ZNF318: variants seen among roughly 807,000 people sequenced by gnomAD.
ZNF318 encodes the protein endocrine regulator.
In ZNF318, 51 loss-of-function variants were observed where a neutral mutation model predicts 124.2. The ratio of observed to expected loss-of-function variants is 0.41; its 90% CI spans 0.33 to 0.52. The LOEUF is 0.52. Among genes scored for constraint, ZNF318 ranks in the 20% least tolerant of loss-of-function variants. ZNF318 has a pLI of 0.23. For synonymous variants in ZNF318, 1,090 were observed against 1,040.7 expected (o/e 1.05, Z -0.91); for missense variants, 2,815 against 2,811.2 (o/e 1.00, Z -0.03).
At chr6:43,363,710 G>C (rs544547923) in intron 2 of ZNF318, 146 of 552,196 alleles carry the variant, frequency 2.6e-4, no homozygotes, top group Non-Finnish European at 2.5e-5. Context: ...TTTTTCCTGG[G>C]GGCCTCTCTC....
intron 2 of ZNF318, chr6:43,363,526 G>T: frequency 4.4e-6 from 1 of 226,314 alleles, no homozygotes; most frequent in Non-Finnish European, 8.6e-6. Context: ...TCCATGGAGG[G>T]GCTGGGGTTG....
intron 2 of ZNF318, among the ~76,000 whole-genome samples, chr6:43,360,508 C>T (rs1344629896): frequency 6.6e-6 from 1 of 152,138 alleles, no homozygotes; most frequent in Non-Finnish European, 1.5e-5. Flanking sequence ...TTTAAAAAAA[C>T]TGATTGTTGG....
rs770604029 is a variant in ZNF318, at chr6:43,357,169, A to C, written c.1145T>G (p.Leu382Trp). The C allele has an allele frequency of 8.1e-6, 13 of 1,614,006 alleles. No homozygotes were observed. Among genetic ancestry groups the C allele is most frequent in the Non-Finnish European group, 1.1e-5 (13 of 1,179,992 alleles). The change falls in exon 3 of 10, where the codon TTG (leucine) becomes TGG (tryptophan). Residue 382 changes from leucine to tryptophan, a missense_variant. By Grantham distance (61) the Leu-to-Trp change is moderately conservative. Coordinates refer to ENST00000361428, the MANE Select transcript of ZNF318 (RefSeq NM_014345.3). ...TATGTCCACCTCAATCCGCTTCTTC[A>C]AAATGGATTTCTTGGGCATCACAGA... ...EVSVMPKKSI[L>W]KKRIEVDIME... is the part of the protein sequence containing the mutation.
In ZNF318 at chr6:43,355,927, T is replaced by C; in HGVS notation, c.1407A>G (p.Lys469=). The C allele has an allele frequency of 5.0e-6, 8 of 1,614,174 alleles. No individual in the cohort carries two copies. The highest frequency in any genetic ancestry group is 6.8e-6 in the Non-Finnish European group (8 of 1,180,030). The change falls in exon 4 of 10, where the codon AAA becomes AAG. Residue 469 remains lysine (K), a synonymous_variant. Transcript: ENST00000361428. The part of the protein sequence containing the change: ...IPKDNSPLRE[K]FGSFLCHKDN... ...CCTTGTGGCATAGAAAACTTCCAAA[T>C]TTTTCTCTGAGAGGACTGTTGTCTT... is the stretch of plus-strand genomic sequence containing the variant.
In ZNF318 at chr6:43,369,488, G is replaced by T. The variant is rs1331281888; in HGVS notation, c.-123C>A. On this transcript the variant is annotated 5_prime_UTR_variant, in exon 1 of 10. Transcript: ENST00000361428. Reference sequence around the variant, plus strand: ...GGCCGCTGCGCGCCGCCTCAGCCGCGGGAGCAGCCCCCTCCCCTCGGCCCC... The same window carrying T: ...GGCCGCTGCGCGCCGCCTCAGCCGCTGGAGCAGCCCCCTCCCCTCGGCCCC... 1.3e-6 allele frequency: 1 copy of T among 783,474 alleles called. No homozygotes were observed. The highest frequency in any genetic ancestry group is 1.9e-5 in the African/African-American group (1 of 53,382). 48.5% of individuals were successfully genotyped at this position (783,474 alleles called of 1,614,324 possible). A position where few individuals can be genotyped will look rare whatever the true frequency, so the allele number is the denominator to read the frequency against.
chr6:43,351,811 TGAGA>T (rs921283986), intron 5 of ZNF318, among the ~76,000 whole-genome samples: 8 of 149,884 alleles, frequency 5.3e-5, no homozygotes, highest in Non-Finnish European at 1.0e-4. Flanking sequence ...ACACACAAAT[TGAGA>T]GAGAGAAAAA....
Position 43,339,921 on chromosome 6 carries a change from G to A in ZNF318, c.4077C>T (p.Leu1359=). ...TCATTGTGGCTGAACATGACTTGCG[G>A]AGTACTGTGGATGGAATAGGCAGGT... is the stretch of plus-strand genomic sequence containing the variant. ...RPNLPIPSTV[L]RKSCSATMSK... Residue 1359 remains leucine, a synonymous_variant, in exon 10 of 10, where the codon CTC becomes CTT. Transcript: ENST00000361428. The surrounding 1 kb of genome is among the most constrained non-coding windows in gnomAD (Gnocchi z 4.2). 2 of 1,614,152 alleles carry A rather than the reference G, an allele frequency of 1.2e-6. No homozygotes were observed. Among genetic ancestry groups the A allele is most frequent in the Non-Finnish European group, 1.7e-6 (2 of 1,180,024 alleles).
intron 6 of ZNF318, among the ~76,000 whole-genome samples, chr6:43,344,763 T>C (rs1282277991): frequency 1.3e-5 from 2 of 152,178 alleles, no homozygotes; most frequent in Non-Finnish European, 2.9e-5. Context: ...ACTTTATTGG[T>C]GACCAATACA....
intron 8 of ZNF318, among the ~76,000 whole-genome samples, chr6:43,341,545 G>C (rs1779373453): frequency 6.6e-6 from 1 of 152,026 alleles, no homozygotes; most frequent in Non-Finnish European, 1.5e-5. Context: ...AGCTACTTGG[G>C]AGGCTGAGGC....
intron 6 of ZNF318, among the ~76,000 whole-genome samples, chr6:43,344,370 G>A (rs1229337838): frequency 2.6e-5 from 4 of 152,090 alleles, no homozygotes; most frequent in African/African-American, 9.7e-5. Flanking sequence ...AAATTATCAT[G>A]TCAAACAACA....
chr6:43,344,231 T>C (rs1338489628), intron 6 of ZNF318, among the ~76,000 whole-genome samples: 1 of 151,798 alleles, frequency 6.6e-6, no homozygotes, highest in Non-Finnish European at 1.5e-5. Context: ...GATGGGAGAG[T>C]TCATACACTC....
Position 43,355,335 on chromosome 6 carries a change from C to A in ZNF318, c.1999G>T (p.Asp667Tyr). 1 of 1,614,176 alleles carries A rather than the reference C, an allele frequency of 6.2e-7. No homozygotes were observed. The highest frequency in any genetic ancestry group is 1.7e-5 in the Admixed American group (1 of 60,032). ...CTGTGGGGATCTGAGGAACGTCGAT[C>A]AGCTGAGAAGCAGTGGTCAACTGAG... ...CSSVDHCFSA[D>Y]RRSSDPHRLE... The change falls in exon 4 of 10, where the codon GAT becomes TAT. Residue 667 changes from aspartate to tyrosine, a missense_variant. Transcript: ENST00000361428.
intron 6 of ZNF318, among the ~76,000 whole-genome samples, chr6:43,345,068 A>C (rs1779422160): frequency 6.6e-6 from 1 of 151,940 alleles, no homozygotes; most frequent in East Asian, 1.9e-4. Flanking sequence ...AACATGGCGA[A>C]ACCTCAACTC....
chr6:43,354,962 T>C lies in ZNF318; in HGVS notation c.2372A>G (p.Tyr791Cys), dbSNP rs765636359. 3 of 1,610,106 alleles carry C rather than the reference T, an allele frequency of 1.9e-6. No homozygotes were observed. The highest frequency in any genetic ancestry group is 1.3e-5 in the African/African-American group (1 of 74,798). ...GGCTGCATATGCCATGTAGTGCCTA[T>C]AGGCATCAAAAGAGGCAGGGGGAAT... ...PAIPPASFDA[Y>C]RHYMAYAASR... The change falls in exon 4 of 10, where the codon TAT becomes TGT. Residue 791 changes from tyrosine to cysteine, a missense_variant. Physicochemically the swap from Tyr to Cys is radical, Grantham distance 194. Transcript: ENST00000361428.
At position 43,338,604 on chromosome 6, in the gene ZNF318, A is replaced by C; in HGVS notation, c.5394T>G (p.Ser1798Arg). Residue 1798 changes from serine to arginine, a missense_variant, in exon 10 of 10, where the codon AGT becomes AGG. Transcript: ENST00000361428. ...CTATGCTGTGGGGTCCAATGCTGGT[A>C]CTTACTCCCTCATCAACTATCCCCT... ...LSEGIVDEGV[S>R]TSIGPHSIDD... The C allele has an allele frequency of 6.2e-7, 1 of 1,614,112 alleles. No individual in the cohort carries two copies. The highest frequency in any genetic ancestry group is 8.5e-7 in the Non-Finnish European group (1 of 1,180,004).
At chr6:43,358,642 C>G (rs1779643556) in intron 2 of ZNF318, among the ~76,000 whole-genome samples, 1 of 152,076 alleles carries the variant, frequency 6.6e-6, no homozygotes, top group Admixed American at 6.5e-5. Flanking sequence ...CAACCTCTAC[C>G]TCCCTGGTTC....
chr6:43,342,290 A>C, intron 7 of ZNF318, 79 bp from the exon 8 acceptor site: 1 of 1,196,876 alleles, frequency 8.4e-7, no homozygotes, highest in South Asian at 1.5e-5. Context: ...TTTCCCCCAT[A>C]ATAAGACCAG....
intron 5 of ZNF318, among the ~76,000 whole-genome samples, chr6:43,349,269 T>C (rs1474754960): frequency 6.6e-6 from 1 of 152,212 alleles, no homozygotes; most frequent in East Asian, 1.9e-4. Context: ...AATTTAGCAG[T>C]TGTCCTCTCT....
intron 2 of ZNF318, among the ~76,000 whole-genome samples, chr6:43,361,577 T>C (rs1184841371): frequency 6.6e-6 from 1 of 152,132 alleles, no homozygotes; most frequent in African/African-American, 2.4e-5. Context: ...AAAAAGTTAA[T>C]AATTTTTTTT....
Sources: allele counts gnomAD v4.1 joint callset (sites outside exome capture counted in the v4.1 genomes callset), GRCh38; gene constraint gnomAD v4.1.1; non-coding constraint Gnocchi (gnomAD v3.1); transcripts MANE v1.5; gene names NCBI Gene and HGNC (gene_info 2026-07-23, HGNC 2026-07-21).